The following KCNIP4 variants were observed in gnomAD, a reference collection of about 807,000 sequenced individuals.
The protein encoded by KCNIP4 is potassium voltage-gated channel interacting protein 4, also known as Kv channel-interacting protein 4.
In KCNIP4, 12 loss-of-function variants were observed where a neutral mutation model predicts 34.0. The observed-to-expected ratio is 0.35, with a 90% CI of 0.23 to 0.57. The LOEUF is 0.57. Among genes scored for constraint, KCNIP4 ranks in the 20% least tolerant of loss-of-function variants. The pLI, the probability that KCNIP4 is intolerant of heterozygous loss-of-function variation, is 0.83. For missense variants in KCNIP4, 238 were observed against 311.7 expected (o/e 0.76, Z 1.78); for synonymous variants, 124 against 102.2 (o/e 1.21, Z -1.29).
chr4:20,874,833 G>A (rs1366953077), intron 2 of KCNIP4, among the ~76,000 whole-genome samples: 3 of 151,984 alleles, frequency 2.0e-5, no homozygotes, highest in Non-Finnish European at 4.4e-5. Flanking sequence ...TATTCTAATA[G>A]GTAAAACATA....
chr4:21,015,021 C>G (rs1051496857), intron 1 of KCNIP4, among the ~76,000 whole-genome samples: 1 of 151,928 alleles, frequency 6.6e-6, no homozygotes, highest in Non-Finnish European at 1.5e-5. Context: ...CACAAAAGGA[C>G]GAATGTTGTT....
At chr4:21,571,514 A>G (rs191234598) in intron 1 of KCNIP4, among the ~76,000 whole-genome samples, 3 of 152,328 alleles carry the variant, frequency 2.0e-5, no homozygotes, top group South Asian at 4.1e-4. Context: ...CAAAACCTCC[A>G]CATAAATAAG....
At chr4:20,950,496 T>C (rs150023949) in intron 1 of KCNIP4, among the ~76,000 whole-genome samples, 1 of 152,222 alleles carries the variant, frequency 6.6e-6, no homozygotes, top group East Asian at 1.9e-4. Flanking sequence ...AAAAACATTC[T>C]ACTCACAGTC....
chr4:21,689,418 C>T (rs565060118), intron 1 of KCNIP4, among the ~76,000 whole-genome samples: 104 of 152,154 alleles, frequency 6.8e-4, no homozygotes, highest in Middle Eastern at 6.8e-3. Flanking sequence ...TTTACAGATG[C>T]GATGACCCAG....
chr4:21,351,179 G>A (rs573731001), intron 1 of KCNIP4, among the ~76,000 whole-genome samples: 66 of 152,266 alleles, frequency 4.3e-4, no homozygotes, highest in African/African-American at 1.5e-3. Context: ...GCTGAACTGT[G>A]TTTCCCTCAA....
At chr4:21,780,075 AGATAGTG>A (rs1719481240) in intron 1 of KCNIP4, among the ~76,000 whole-genome samples, 1 of 152,188 alleles carries the variant, frequency 6.6e-6, no homozygotes, top group Admixed American at 6.5e-5. Flanking sequence ...CTCCAGATGA[AGATAGTG>A]GATGAAATTC....
At chr4:21,232,396 G>T (rs1758860288) in intron 1 of KCNIP4, among the ~76,000 whole-genome samples, 1 of 152,002 alleles carries the variant, frequency 6.6e-6, no homozygotes, top group Admixed American at 6.6e-5. Context: ...TGACTATACA[G>T]ATAAAAAGAA....
chr4:21,226,153 T>C (rs1560190621), intron 1 of KCNIP4, among the ~76,000 whole-genome samples: 2 of 149,296 alleles, frequency 1.3e-5, no homozygotes, highest in South Asian at 2.2e-4. Flanking sequence ...GTAGTTAGAA[T>C]TCAGTATCTT....
At chr4:21,703,789 C>A (rs1402874798) in intron 1 of KCNIP4, among the ~76,000 whole-genome samples, 3 of 152,090 alleles carry the variant, frequency 2.0e-5, no homozygotes, top group Non-Finnish European at 4.4e-5. Flanking sequence ...TTTACTGCAA[C>A]TGCAAGCAAA....
chr4:21,679,481 C>T (rs1474347530), intron 1 of KCNIP4, among the ~76,000 whole-genome samples: 3 of 632 alleles, frequency 4.7e-3, no homozygotes, highest in Non-Finnish European at 7.7e-3. Flanking sequence ...TTTCTTGGCT[C>T]TTCCTGAGGT....
chr4:21,504,516 G>A (rs184145429), intron 1 of KCNIP4, among the ~76,000 whole-genome samples: 1,379 of 135,560 alleles, frequency 0.01, 29 homozygotes, highest in African/African-American at 0.037. Context: ...AGGAAGGAAG[G>A]AAGAAAGCAA....
rs150797712 is a variant in KCNIP4 at position 21,771,702 on chromosome 4, G to A, written c.61+176869C>T. 8.8e-3 allele frequency among the ~76,000 whole-genome samples: 1,335 copies of A among 152,234 alleles called. 19 individuals are homozygous for A. Among genetic ancestry groups the A allele is most frequent in the South Asian group, 0.039 (187 of 4,830 alleles). On this transcript the variant is annotated intron_variant, in intron 1 of 8. Coordinates refer to ENST00000382152, the MANE Select transcript of KCNIP4 (RefSeq NM_025221.6). ...CTCTTTGTAGTGATTGTGAATGGGA[G>A]TTCATTCATGATTTAGCTCTCGGCT...
chr4:21,261,217 C>T (rs564506863), intron 1 of KCNIP4, among the ~76,000 whole-genome samples: 24 of 152,256 alleles, frequency 1.6e-4, no homozygotes, highest in Non-Finnish European at 3.1e-4. Context: ...ACTGAAGGGA[C>T]TCTGGCTTTA....
At chr4:21,333,339 G>T (rs534221654) in intron 1 of KCNIP4, among the ~76,000 whole-genome samples, 8 of 151,772 alleles carry the variant, frequency 5.3e-5, no homozygotes, top group Non-Finnish European at 1.2e-4. Context: ...CTAAAAAAAT[G>T]TGTGTTGACA....
chr4:21,718,325 A>G (rs569021114), intron 1 of KCNIP4, among the ~76,000 whole-genome samples: 2 of 152,324 alleles, frequency 1.3e-5, no homozygotes, highest in East Asian at 3.9e-4. Context: ...TTATTAGCCA[A>G]TTTGTATTTA....
At chr4:21,097,334 G>A (rs1474650086) in intron 1 of KCNIP4, among the ~76,000 whole-genome samples, 1 of 152,160 alleles carries the variant, frequency 6.6e-6, no homozygotes, top group African/African-American at 2.4e-5. Context: ...GGTGAAAGAA[G>A]CCAGACACAA....
intron 1 of KCNIP4, among the ~76,000 whole-genome samples, chr4:21,447,485 G>A (rs1728132619): frequency 6.6e-6 from 1 of 152,156 alleles, no homozygotes. Context: ...GCAGCCACAG[G>A]AAACTAATAC....
At chr4:21,656,774 A>G (rs1482752762) in intron 1 of KCNIP4, 1 of 152,166 alleles carries the variant, frequency 6.6e-6, no homozygotes, top group African/African-American at 2.4e-5. Flanking sequence ...ATCCCACTCC[A>G]TGGATGCACC....
chr4:20,796,748 GAAATGCATAA>G (rs376181892), intron 3 of KCNIP4, among the ~76,000 whole-genome samples: 29 of 151,982 alleles, frequency 1.9e-4, no homozygotes, highest in Non-Finnish European at 3.8e-4. Flanking sequence ...AAAATCATTT[GAAATGCATAA>G]AAATGCATAA....
Sources: allele counts gnomAD v4.1 joint callset (sites outside exome capture counted in the v4.1 genomes callset), GRCh38; gene constraint gnomAD v4.1.1; transcripts MANE v1.5; gene names NCBI Gene and HGNC (gene_info 2026-07-23, HGNC 2026-07-21).